PSG7: variants seen among roughly 807,000 people sequenced by gnomAD.
PSG7 encodes the protein pregnancy specific beta-1-glycoprotein 7.
PSG7 carries 57 observed loss-of-function variants against 45.6 expected under a neutral mutation model. The observed-to-expected ratio is 1.25, with a 90% CI of 1.01 to 1.56. PSG7 has a LOEUF of 1.56. Ranked by LOEUF, PSG7 falls within the 40% of genes most tolerant of loss-of-function variation. The pLI is 0.00. For missense variants in PSG7, 796 were observed against 508.4 expected, an observed-to-expected ratio of 1.57 and a Z score of -5.44; for synonymous variants, 298 against 194.4, an observed-to-expected ratio of 1.53 and a Z score of -4.43.
In PSG7 at chr19:42,935,636, G is replaced by T. The variant is rs781815812; in HGVS notation, c.198C>A (p.Ile66=). 6.2e-7 allele frequency: 1 copy of T among 1,612,118 alleles called. No homozygotes were observed. The highest frequency in any genetic ancestry group is 8.5e-7 in the Non-Finnish European group (1 of 1,179,132). Reference sequence around the variant, plus strand: ...GGTCCCTGATTTGTCCTTTGTACCAGATGTAGCCAGTAAGATTCTGGGGCA... The same window carrying T: ...GGTCCCTGATTTGTCCTTTGTACCATATGTAGCCAGTAAGATTCTGGGGCA... ...HNLPQNLTGY[I]WYKGQIRDLY... The change falls in exon 2 of 6, where the codon ATC becomes ATA. Residue 66 remains isoleucine, a synonymous_variant. Transcript: ENST00000406070.
chr19:42,926,141 C>A, intron 4 of PSG7, 114 bp from the exon 5 acceptor site: 2 of 1,495,010 alleles, frequency 1.3e-6, no homozygotes, highest in Non-Finnish European at 1.8e-6. Context: ...CAAGTGACAG[C>A]CAAATCCCCT....
At position 42,924,246 on chromosome 19, in the gene PSG7, G is replaced by C. The variant is rs147068537; in HGVS notation, c.*562C>G. The stretch of plus-strand genomic sequence containing the variant: ...CCACACAATGTGCATTTAAAGGGGA[G>C]TCTACTATAATTTCAGCTTTCCTAC... On this transcript the variant is annotated 3_prime_UTR_variant, in exon 6 of 6. Transcript: ENST00000406070. 31,151 of 240,818 alleles carry C rather than the reference G, an allele frequency of 0.13. 2,579 individuals carry two copies. The highest frequency in any genetic ancestry group is 0.18 in the Admixed American group (3,382 of 19,144). 14.9% of individuals were successfully genotyped at this position (240,818 alleles called of 1,614,324 possible). A position where few individuals can be genotyped will look rare whatever the true frequency, so the allele number is the denominator to read the frequency against.
At chr19:42,930,658 C>T (rs1316948188) in intron 2 of PSG7, among the ~76,000 whole-genome samples, 1 of 151,620 alleles carries the variant, frequency 6.6e-6, no homozygotes, top group Non-Finnish European at 1.5e-5. Flanking sequence ...TACTTTCTCT[C>T]ATTAGACATT....
chr19:42,931,205 T>C (rs3859465), intron 2 of PSG7, among the ~76,000 whole-genome samples: 1 of 151,400 alleles, frequency 6.6e-6, no homozygotes. Flanking sequence ...ATGTTTTCAT[T>C]AGTGGAAATT....
intron 2 of PSG7, among the ~76,000 whole-genome samples, chr19:42,933,563 AG>A (rs1248325490): frequency 2.0e-5 from 3 of 149,644 alleles, no homozygotes; most frequent in Non-Finnish European, 4.4e-5. Context: ...ATTTCCTGGG[AG>A]GTGGGCCAGG....
rs750335400 is a variant in PSG7, at chr19:42,929,602, A to G, written c.549T>C (p.Asn183=). ...TGTGAGTCATAGGGAGGCTCTGACC[A>G]TTCATCCACCACAGGTAGCTTGCAT... ...TPDASYLWWM[N]GQSLPMTHSL... is the part of the protein sequence containing the mutation. Residue 183 remains asparagine (N), a synonymous_variant, in exon 3 of 6, where the codon AAT becomes AAC. Coordinates refer to ENST00000406070, the MANE Select transcript of PSG7 (RefSeq NM_002783.3). 23 of 1,612,458 alleles carry G rather than the reference A, an allele frequency of 1.4e-5. No homozygotes were observed. Among genetic ancestry groups the G allele is most frequent in the Non-Finnish European group, 1.7e-5 (20 of 1,179,256 alleles).
intron 4 of PSG7, 52 bp from the exon 5 acceptor site, chr19:42,926,079 G>A: frequency 6.3e-7 from 1 of 1,595,088 alleles, no homozygotes; most frequent in South Asian, 1.1e-5. Flanking sequence ...GGAAGGGGAT[G>A]CTCCTGGTCT....
chr19:42,929,238 C>T, intron 3 of PSG7: 2 of 1,244,502 alleles, frequency 1.6e-6, no homozygotes, highest in Non-Finnish European at 2.2e-6. Context: ...CTGAGTCTCC[C>T]ATGACAGGAG....
chr19:42,935,015 G>A (rs530175930), intron 2 of PSG7, among the ~76,000 whole-genome samples: 1 of 151,608 alleles, frequency 6.6e-6, no homozygotes, highest in Non-Finnish European at 1.5e-5. Context: ...CAGGGGTCTG[G>A]GGTTGAGGCT....
At position 42,929,441 on chromosome 19, in the gene PSG7, C is replaced by T. The variant is rs191547888; in HGVS notation, c.709+1G>A. On this transcript the variant is annotated splice_donor_variant, in intron 3 of 5. Transcript: ENST00000406070. LOFTEE classifies it high-confidence loss of function. ...CTAACAGAGGAACAGAAGATACTCA[C>T]GGAGGAGATTCAGGGTGACTGGGTC... The T allele has an allele frequency of 2.9e-4, 467 of 1,612,210 alleles. 7 individuals carry two copies. Among genetic ancestry groups the T allele is most frequent in the Non-Finnish European group, 3.4e-4 (402 of 1,179,010 alleles).
In PSG7 at chr19:42,935,812, G is replaced by A. The variant is rs113478430; in HGVS notation, c.65-43C>T. On this transcript the variant is annotated intron_variant, in intron 1 of 5. Transcript: ENST00000406070. ...CATCAGTCAATATTGAGACCTATGT[G>A]TTGGGTTGAAAAGATGGGCCCCTGG... is the stretch of plus-strand genomic sequence containing the variant. 4.5e-3 allele frequency: 7,128 copies of A among 1,569,448 alleles called. 395 individuals carry two copies. In the African/African-American group the frequency reaches 0.084, roughly 18 times the overall value.
At chr19:42,931,539 G>T (rs892404735) in intron 2 of PSG7, among the ~76,000 whole-genome samples, 2 of 151,552 alleles carry the variant, frequency 1.3e-5, no homozygotes, top group Non-Finnish European at 2.9e-5. Context: ...CCCAAAACAG[G>T]TATGTGAAAT....
intron 2 of PSG7, among the ~76,000 whole-genome samples, chr19:42,930,208 C>G (rs945448855): frequency 1.3e-5 from 2 of 151,636 alleles, no homozygotes; most frequent in African/African-American, 4.8e-5. Context: ...ACTGGAAAGC[C>G]TGGCCTGGGA....
chr19:42,934,291 C>G lies in PSG7; in HGVS notation c.430+1113G>C, dbSNP rs143883900. On this transcript the variant is annotated intron_variant, in intron 2 of 5. Transcript: ENST00000406070. ...CAGACTAATCAGGTGACCACTTGCTCTCACTCCTCTGAGGTTTGGATGCCT... is the reference window on the plus strand; with the variant it reads ...CAGACTAATCAGGTGACCACTTGCTGTCACTCCTCTGAGGTTTGGATGCCT... Among the ~76,000 whole-genome samples the G allele has an allele frequency of 2.1e-3, 316 of 151,454 alleles. 12 individuals carry two copies. Among genetic ancestry groups the G allele is most frequent in the African/African-American group, 7.1e-3 (294 of 41,244 alleles).
At chr19:42,925,043 T>G (rs1441682042) in intron 5 of PSG7, 1 of 564,294 alleles carries the variant, frequency 1.8e-6, no homozygotes, top group Non-Finnish European at 3.1e-6. Flanking sequence ...CAATGGACTA[T>G]GTAGGCTCTC....
At position 42,924,438 on chromosome 19, in the gene PSG7, A is replaced by G. The variant is rs990555179; in HGVS notation, c.*370T>C. The G allele has an allele frequency of 2.3e-5, 11 of 486,582 alleles. No individual in the cohort carries two copies. The highest frequency in any genetic ancestry group is 7.2e-5 in the Admixed American group (2 of 27,948). 30.1% of individuals were successfully genotyped at this position (486,582 alleles called of 1,614,324 possible). A position where few individuals can be genotyped will look rare whatever the true frequency, so the allele number is the denominator to read the frequency against. On this transcript the variant is annotated 3_prime_UTR_variant, in exon 6 of 6. Coordinates refer to ENST00000406070, the MANE Select transcript of PSG7 (RefSeq NM_002783.3). ...CTGACACTCTGTTGTTACCCTCAGA[A>G]GCTCCTATACTACATGTGAAATTCT... is the stretch of plus-strand genomic sequence containing the variant.
intron 2 of PSG7, among the ~76,000 whole-genome samples, chr19:42,933,334 G>A (rs1167434364): frequency 3.0e-5 from 2 of 67,724 alleles, no homozygotes; most frequent in Non-Finnish European, 5.8e-5. Context: ...GTGTATGTAT[G>A]TGTGCAGGAG....
Position 42,925,537 on chromosome 19 carries a change from A to T in PSG7, c.1243+236T>A, listed in dbSNP as rs536638427. 3.3e-5 allele frequency: 36 copies of T among 1,094,746 alleles called. 3 individuals are homozygous for T. In the South Asian group the frequency reaches 5.5e-4, roughly 17 times the overall value. The allele number at this position is 1,094,746 out of a possible 1,614,324, so 67.8% of individuals were successfully genotyped here. ...ATCCTCATTATTATCAATTATTTCA[A>T]TGAAATCAATGTTTTTCCTGCTTGG... is the stretch of plus-strand genomic sequence containing the variant. On this transcript the variant is annotated intron_variant, in intron 5 of 5. Transcript: ENST00000406070.
intron 3 of PSG7, among the ~76,000 whole-genome samples, chr19:42,928,075 C>CT (rs531560990): frequency 0.017 from 2,603 of 151,268 alleles, 121 homozygotes; most frequent in African/African-American, 0.059. Context: ...TATTCTTGCC[C>CT]TTTTTTTTCT....
Sources: gnomAD v4.1 joint callset for allele counts (sites outside exome capture counted in the v4.1 genomes callset) on GRCh38, gnomAD v4.1.1 for gene constraint, MANE v1.5 for transcripts, NCBI Gene and HGNC (gene_info 2026-07-23, HGNC 2026-07-21) for gene names.